Variants in SCN10A observed in about 807,000 individuals in gnomAD.
SCN10A encodes the protein sodium channel protein type 10 subunit alpha.
SCN10A carries 162 observed loss-of-function variants against 170.7 expected under a neutral mutation model. The observed-to-expected ratio is 0.95, with a 90% CI of 0.84 to 1.08. SCN10A has a LOEUF of 1.08. Among genes scored for constraint, SCN10A ranks in the 50% least tolerant of loss-of-function variants. The pLI is 0.00. For missense variants in SCN10A, 2,527 were observed against 2,436.9 expected (o/e 1.04, Z -0.78); for synonymous variants, 985 against 904.6 (o/e 1.09, Z -1.59).
At chr3:38,802,715 A>T (rs941126428) in intron 1 of SCN10A, among the ~76,000 whole-genome samples, 2 of 152,318 alleles carry the variant, frequency 1.3e-5, no homozygotes, top group African/African-American at 4.8e-5. Context: ...AACCTAGGCA[A>T]TACCATTTAG....
At position 38,722,410 on chromosome 3, in the gene SCN10A, A is replaced by T. The variant is rs1450059546; in HGVS notation, c.3355T>A (p.Cys1119Ser). ...EEPDDCFTEG[C>S]IRHCPCCKLD... ...TTGCAGCAGGGACAGTGGCGAATGC[A>T]TCCTGTGGGGAGAGGTGACTGATGG... Residue 1119 changes from cysteine to serine, a missense_variant and splice_region_variant, in exon 20 of 28, where the codon TGC becomes AGC. Cys to Ser is a moderately radical substitution (Grantham distance 112). Transcript: ENST00000449082. 1.9e-6 allele frequency: 3 copies of T among 1,613,328 alleles called. No individual in the cohort carries two copies. The highest frequency in any genetic ancestry group is 1.7e-5 in the Admixed American group (1 of 59,938).
chr3:38,810,014 T>C (rs910728532), intron 1 of SCN10A, among the ~76,000 whole-genome samples: 3 of 152,164 alleles, frequency 2.0e-5, no homozygotes, highest in African/African-American at 7.2e-5. Flanking sequence ...CATTGCACTC[T>C]GGGCTTTGGG....
chr3:38,739,482 AG>A, intron 15 of SCN10A, 32 bp downstream of exon 15: 1 of 1,597,190 alleles, frequency 6.3e-7, no homozygotes, highest in Non-Finnish European at 8.5e-7. Context: ...TCTGGGTGGG[AG>A]TTTCCCCAAG....
chr3:38,749,951 G>A, intron 13 of SCN10A, 122 bp downstream of exon 13: 3 of 557,250 alleles, frequency 5.4e-6, no homozygotes. Context: ...AGAATGAGGA[G>A]TATTAGGAAT....
At chr3:38,709,744 A>G in intron 24 of SCN10A, 129 bp from the exon 25 acceptor site, 3 of 785,146 alleles carry the variant, frequency 3.8e-6, no homozygotes, top group Non-Finnish European at 5.9e-6. Context: ...GGAAGCAGGA[A>G]TGAGGGAGTG....
intron 2 of SCN10A, among the ~76,000 whole-genome samples, chr3:38,792,573 C>T (rs1380113909): frequency 6.6e-6 from 1 of 152,214 alleles, no homozygotes; most frequent in Admixed American, 6.5e-5. Context: ...TCTGTCTCCA[C>T]CTTCTACATC....
chr3:38,739,969 T>C (rs1237723472), intron 14 of SCN10A, among the ~76,000 whole-genome samples: 1 of 152,162 alleles, frequency 6.6e-6, no homozygotes, highest in African/African-American at 2.4e-5. Context: ...ATCATTATTA[T>C]AATATCATTT....
At chr3:38,763,954 CTGTTATCTCAGATTTGAGG>C (rs1191297207) in intron 5 of SCN10A, among the ~76,000 whole-genome samples, 1 of 152,162 alleles carries the variant, frequency 6.6e-6, no homozygotes, top group African/African-American at 2.4e-5. Context: ...GACAGGCTAA[CTGTTATCTCAGATTTGAGG>C]TCTCTGACAT....
chr3:38,710,528 C>A (rs9862441), intron 24 of SCN10A, among the ~76,000 whole-genome samples: 10,684 of 152,200 alleles, frequency 0.07, 1,062 homozygotes, highest in African/African-American at 0.22. Context: ...AGCTACTACC[C>A]TTGCTTTGCT....
At chr3:38,766,125 A>C (rs531709513) in intron 5 of SCN10A, among the ~76,000 whole-genome samples, 53 of 151,884 alleles carry the variant, frequency 3.5e-4, no homozygotes, top group Middle Eastern at 3.4e-3. Flanking sequence ...TAGATCTAGG[A>C]GCTTTTTGGA....
intron 11 of SCN10A, among the ~76,000 whole-genome samples, chr3:38,754,273 T>C (rs1285809489): frequency 6.6e-6 from 1 of 152,222 alleles, no homozygotes; most frequent in South Asian, 2.1e-4. Context: ...TGGATGTTTC[T>C]TCCCTGATTC....
intron 1 of SCN10A, among the ~76,000 whole-genome samples, chr3:38,814,780 T>C (rs569144384): frequency 4.6e-5 from 7 of 152,354 alleles, no homozygotes; most frequent in Admixed American, 3.9e-4. Flanking sequence ...AAGGCCACTC[T>C]AAAACCTTCC....
At chr3:38,702,726 T>C (rs2063169610) in intron 26 of SCN10A, among the ~76,000 whole-genome samples, 1 of 152,230 alleles carries the variant, frequency 6.6e-6, no homozygotes, top group Non-Finnish European at 1.5e-5. Context: ...GTTCCCTCTG[T>C]TCCTGGTGCT....
chr3:38,750,496 A>C (rs2063736395), intron 12 of SCN10A, among the ~76,000 whole-genome samples: 1 of 152,244 alleles, frequency 6.6e-6, no homozygotes, highest in Non-Finnish European at 1.5e-5. Context: ...ATAAACATAA[A>C]GAAAGTTTAT....
At chr3:38,791,673 T>G (rs966098195) in intron 3 of SCN10A, among the ~76,000 whole-genome samples, 1 of 152,188 alleles carries the variant, frequency 6.6e-6, no homozygotes, top group Non-Finnish European at 1.5e-5. Context: ...CAAAGAAGGC[T>G]TGGGCCCTCT....
At chr3:38,703,604 C>A (rs755515271) in intron 26 of SCN10A, among the ~76,000 whole-genome samples, 1 of 152,206 alleles carries the variant, frequency 6.6e-6, no homozygotes, top group East Asian at 1.9e-4. Context: ...TACCCTTCTA[C>A]CTTGAAATGT....
In SCN10A at chr3:38,768,415, T is replaced by C. The variant is rs142163092; in HGVS notation, c.599+2864A>G. On this transcript the variant is annotated intron_variant, in intron 5 of 27. Transcript: ENST00000449082. Reference sequence around the variant, plus strand: ...CAAGATTTAGAATTCCTTTTAGCATTTCTTGTAGTGCTGGCTTGGTAGTGG... The same window carrying C: ...CAAGATTTAGAATTCCTTTTAGCATCTCTTGTAGTGCTGGCTTGGTAGTGG... 4.7e-3 allele frequency among the ~76,000 whole-genome samples: 720 copies of C among 152,240 alleles called. 8 individuals are homozygous for C. Among genetic ancestry groups the C allele is most frequent in the African/African-American group, 0.017 (688 of 41,502 alleles).
At chr3:38,773,149 G>A (rs2064029443) in intron 4 of SCN10A, among the ~76,000 whole-genome samples, 1 of 152,162 alleles carries the variant, frequency 6.6e-6, no homozygotes, top group Non-Finnish European at 1.5e-5. Flanking sequence ...CTTGGGAAAT[G>A]TACTTCTTAG....
intron 1 of SCN10A, among the ~76,000 whole-genome samples, chr3:38,803,096 T>A (rs1244311598): frequency 6.6e-6 from 1 of 152,154 alleles, no homozygotes; most frequent in Non-Finnish European, 1.5e-5. Flanking sequence ...AAAACCACAA[T>A]GAGATATCAT....
Sources: allele counts gnomAD v4.1 joint callset (sites outside exome capture counted in the v4.1 genomes callset), GRCh38; gene constraint gnomAD v4.1.1; transcripts MANE v1.5; gene names NCBI Gene and HGNC (gene_info 2026-07-23, HGNC 2026-07-21).